The following TENM3 variants were observed in gnomAD, a reference collection of about 807,000 sequenced individuals.
The protein encoded by TENM3 is teneurin transmembrane protein 3, also known as teneurin-3.
In TENM3, 63 loss-of-function variants were observed where a neutral mutation model predicts 255.1. That is an observed-to-expected ratio of 0.25 (90% CI 0.20 to 0.30). TENM3 has a LOEUF of 0.30. Among genes scored for constraint, TENM3 ranks in the 10% least tolerant of loss-of-function variants. The pLI is 1.00. For synonymous variants in TENM3, 1,306 were observed against 1,322.3 expected, an observed-to-expected ratio of 0.99 and a Z score of 0.27; for missense variants, 2,929 against 3,461.1, an observed-to-expected ratio of 0.85 and a Z score of 3.86.
At chr4:182,462,544 C>A (rs1434703705) in intron 3 of TENM3, among the ~76,000 whole-genome samples, 4 of 151,732 alleles carry the variant, frequency 2.6e-5, no homozygotes, top group Non-Finnish European at 4.4e-5. Flanking sequence ...ACTGATTGCC[C>A]AGCCTCCAAG....
At chr4:181,828,002 G>C in the TENM3 span, among the ~76,000 whole-genome samples, 1 of 152,146 alleles carries the variant, frequency 6.6e-6, no homozygotes. Context: ...CATGTCCCCA[G>C]CCTGGCTTCC....
At chr4:181,784,104 G>A in the TENM3 span, among the ~76,000 whole-genome samples, 1 of 151,452 alleles carries the variant, frequency 6.6e-6, no homozygotes, top group South Asian at 2.1e-4. Flanking sequence ...AAGAAAAATA[G>A]CTGCAATAAT....
At chr4:181,789,514 C>T in the TENM3 span, among the ~76,000 whole-genome samples, 2 of 151,994 alleles carry the variant, frequency 1.3e-5, no homozygotes, top group Non-Finnish European at 2.9e-5. Context: ...ACTTCAGCCT[C>T]CCAAAGTGCT....
chr4:181,473,176 G>A, the TENM3 span, among the ~76,000 whole-genome samples: 1 of 152,090 alleles, frequency 6.6e-6, no homozygotes, highest in South Asian at 2.1e-4. Flanking sequence ...CAAAATGAAT[G>A]TAAAAATAAT....
chr4:181,594,386 A>T, the TENM3 span, among the ~76,000 whole-genome samples: 1 of 152,220 alleles, frequency 6.6e-6, no homozygotes, highest in African/African-American at 2.4e-5. Flanking sequence ...GATGTCATCA[A>T]ATCAATGGTC....
chr4:181,625,281 A>G, the TENM3 span, among the ~76,000 whole-genome samples: 6 of 152,194 alleles, frequency 3.9e-5, no homozygotes, highest in African/African-American at 1.4e-4. Context: ...CAGAAAATAT[A>G]GCATGATATT....
At chr4:181,888,369 C>T in the TENM3 span, among the ~76,000 whole-genome samples, 3 of 150,876 alleles carry the variant, frequency 2.0e-5, no homozygotes, top group African/African-American at 7.3e-5. Flanking sequence ...AACCTGCACC[C>T]AGATAAACCC....
At chr4:182,730,106 G>A in intron 14 of TENM3, 94 bp from the exon 15 acceptor site, 3 of 1,492,788 alleles carry the variant, frequency 2.0e-6, no homozygotes, top group Non-Finnish European at 2.7e-6. Flanking sequence ...ATAGCATAGT[G>A]TTATTTTATC....
At chr4:182,570,118 GATGATGA>G (rs1304648453) in intron 3 of TENM3, among the ~76,000 whole-genome samples, 2 of 152,182 alleles carry the variant, frequency 1.3e-5, no homozygotes, top group Non-Finnish European at 1.5e-5. Flanking sequence ...CGAGGCAAAA[GATGATGA>G]ATGCCTGGAC....
the TENM3 span, among the ~76,000 whole-genome samples, chr4:181,452,436 C>T: frequency 6.6e-6 from 1 of 152,130 alleles, no homozygotes; most frequent in African/African-American, 2.4e-5. Context: ...AAGTTACCCC[C>T]ATGCTGCTGT....
the TENM3 span, among the ~76,000 whole-genome samples, chr4:181,854,648 G>T: frequency 6.6e-6 from 1 of 152,174 alleles, no homozygotes; most frequent in Non-Finnish European, 1.5e-5. Context: ...TCTGAGACTT[G>T]GTAGTGTTCC....
the TENM3 span, among the ~76,000 whole-genome samples, chr4:181,667,448 G>A: frequency 1.3e-5 from 2 of 152,300 alleles, no homozygotes; most frequent in African/African-American, 4.8e-5. Context: ...ATGTGTTGGA[G>A]ACTTAATCCC....
chr4:182,245,731 C>T (rs1017569508), intron 1 of TENM3, among the ~76,000 whole-genome samples: 1 of 152,110 alleles, frequency 6.6e-6, no homozygotes, highest in Admixed American at 6.5e-5. Flanking sequence ...CAGGGCCAGC[C>T]ACAGGAGAGA....
At chr4:182,474,168 T>G (rs1733436157) in intron 3 of TENM3, among the ~76,000 whole-genome samples, 1 of 152,170 alleles carries the variant, frequency 6.6e-6, no homozygotes, top group Non-Finnish European at 1.5e-5. Context: ...AATGAATTCC[T>G]TTGCAACTGT....
upstream of TENM3, among the ~76,000 whole-genome samples, chr4:182,240,179 C>T (rs1240043195): frequency 1.3e-5 from 2 of 152,130 alleles, no homozygotes; most frequent in South Asian, 2.1e-4. Flanking sequence ...CACAGCCACC[C>T]GGATATTTCA....
chr4:181,991,036 G>A, the TENM3 span, among the ~76,000 whole-genome samples: 1 of 152,048 alleles, frequency 6.6e-6, no homozygotes, highest in Non-Finnish European at 1.5e-5. Context: ...TATCTGTAGG[G>A]GAGGATTAGA....
chr4:182,248,666 G>A (rs1757804193), intron 1 of TENM3, among the ~76,000 whole-genome samples: 1 of 152,148 alleles, frequency 6.6e-6, no homozygotes, highest in African/African-American at 2.4e-5. Flanking sequence ...TGCATTGAGT[G>A]GATTACAAAG....
chr4:181,788,928 G>A, the TENM3 span, among the ~76,000 whole-genome samples: 1 of 152,220 alleles, frequency 6.6e-6, no homozygotes, highest in East Asian at 1.9e-4. Context: ...TCCCATACCT[G>A]CATAGCATGT....
At chr4:182,317,628 G>T (rs143974058) in intron 1 of TENM3, among the ~76,000 whole-genome samples, 5 of 151,886 alleles carry the variant, frequency 3.3e-5, no homozygotes, top group African/African-American at 4.8e-5. Context: ...ACTTTTTACC[G>T]CTAACATGAT....
Sources: gnomAD v4.1 joint callset for allele counts (sites outside exome capture counted in the v4.1 genomes callset) on GRCh38, gnomAD v4.1.1 for gene constraint, MANE v1.5 for transcripts, NCBI Gene and HGNC (gene_info 2026-07-23, HGNC 2026-07-21) for gene names.